DCBLD1: variants seen among roughly 807,000 people sequenced by gnomAD.
DCBLD1 encodes discoidin, CUB and LCCL domain-containing protein 1.
In DCBLD1, 57 loss-of-function variants were observed where a neutral mutation model predicts 71.5. That is an observed-to-expected ratio of 0.80 (90% CI 0.64 to 0.99). The LOEUF is 0.99. Among genes scored for constraint, DCBLD1 ranks in the 50% least tolerant of loss-of-function variants. The pLI is 0.00. For synonymous variants in DCBLD1, 380 were observed against 363.8 expected, an observed-to-expected ratio of 1.04 and a Z score of -0.51; for missense variants, 891 against 923.5, an observed-to-expected ratio of 0.96 and a Z score of 0.46.
intron 1 of DCBLD1, 58 bp from the exon 2 acceptor site, chr6:117,503,709 C>T: frequency 3.2e-6 from 5 of 1,569,098 alleles, no homozygotes; most frequent in Non-Finnish European, 4.4e-6. Context: ...ACTCTCAATC[C>T]TCAGTAAGAA....
intron 4 of DCBLD1, among the ~76,000 whole-genome samples, chr6:117,525,147 T>G (rs904924596): frequency 1.3e-5 from 2 of 152,170 alleles, no homozygotes; most frequent in African/African-American, 4.8e-5. Context: ...GACTTTATGG[T>G]GAATCCTTAT....
At chr6:117,505,154 G>A (rs538906587) in intron 2 of DCBLD1, among the ~76,000 whole-genome samples, 3 of 152,194 alleles carry the variant, frequency 2.0e-5, no homozygotes, top group Admixed American at 6.5e-5. Context: ...GAGTTCCTCC[G>A]ACAAAGTCAA....
chr6:117,542,452 A>G (rs919267472), intron 11 of DCBLD1, among the ~76,000 whole-genome samples: 3 of 152,206 alleles, frequency 2.0e-5, no homozygotes, highest in Non-Finnish European at 2.9e-5. Flanking sequence ...GAAGAGAAAG[A>G]TGAAGAGCAA....
intron 14 of DCBLD1, among the ~76,000 whole-genome samples, chr6:117,558,046 G>A (rs959964901): frequency 1.3e-5 from 2 of 152,202 alleles, no homozygotes; most frequent in Non-Finnish European, 2.9e-5. Flanking sequence ...AGAAGCGTGG[G>A]CTTCTTCTTA....
At chr6:117,564,684 G>A (rs1779658234) in intron 14 of DCBLD1, among the ~76,000 whole-genome samples, 1 of 152,148 alleles carries the variant, frequency 6.6e-6, no homozygotes, top group African/African-American at 2.4e-5. Context: ...ATTTGCATAT[G>A]TGACAGAGAA....
chr6:117,496,026 A>C (rs756763831), intron 1 of DCBLD1, among the ~76,000 whole-genome samples: 8 of 152,202 alleles, frequency 5.3e-5, no homozygotes, highest in Non-Finnish European at 1.2e-4. Flanking sequence ...AGGAATGTTG[A>C]AAGTTTCCAC....
At chr6:117,543,661 T>C (rs1779173009) in intron 12 of DCBLD1, among the ~76,000 whole-genome samples, 1 of 152,228 alleles carries the variant, frequency 6.6e-6, no homozygotes, top group Admixed American at 6.5e-5. Context: ...CACCCCACCA[T>C]GTATTACTTT....
chr6:117,564,379 T>C (rs1779651305), intron 14 of DCBLD1, among the ~76,000 whole-genome samples: 2 of 152,206 alleles, frequency 1.3e-5, no homozygotes, highest in African/African-American at 4.8e-5. Flanking sequence ...TCATTGTTGC[T>C]TTCATATTAC....
intron 2 of DCBLD1, among the ~76,000 whole-genome samples, chr6:117,514,565 A>G (rs1367172438): frequency 2.7e-5 from 4 of 150,478 alleles, no homozygotes; most frequent in African/African-American, 9.8e-5. Flanking sequence ...GCACTCCAAC[A>G]TGGGTGACAG....
chr6:117,551,658 C>T (rs571163160), downstream of DCBLD1, among the ~76,000 whole-genome samples: 221 of 152,308 alleles, frequency 1.5e-3, no homozygotes, highest in African/African-American at 4.8e-3. Flanking sequence ...GGATTACAGG[C>T]GTGAGCCACC....
At chr6:117,500,529 C>T (rs1260968866) in intron 1 of DCBLD1, among the ~76,000 whole-genome samples, 1 of 152,136 alleles carries the variant, frequency 6.6e-6, no homozygotes, top group Admixed American at 6.6e-5. Context: ...TTAGGCCTTA[C>T]AGTGGAAGTG....
chr6:117,500,214 A>G (rs1286889882), intron 1 of DCBLD1, among the ~76,000 whole-genome samples: 1 of 152,268 alleles, frequency 6.6e-6, no homozygotes, highest in Non-Finnish European at 1.5e-5. Flanking sequence ...GTTAATACCC[A>G]TGGAATAAAC....
chr6:117,534,608 A>G (rs1322157784), intron 6 of DCBLD1, among the ~76,000 whole-genome samples: 1 of 152,188 alleles, frequency 6.6e-6, no homozygotes, highest in African/African-American at 2.4e-5. Flanking sequence ...CTTTTGTAGG[A>G]AAACAGGATA....
chr6:117,558,087 C>A (rs964867685), intron 14 of DCBLD1, among the ~76,000 whole-genome samples: 1 of 152,212 alleles, frequency 6.6e-6, no homozygotes, highest in African/African-American at 2.4e-5. Flanking sequence ...ATTGCAAAGT[C>A]TCTCAGGTGC....
chr6:117,526,620 C>T (rs1040654897), intron 5 of DCBLD1, among the ~76,000 whole-genome samples: 2 of 152,100 alleles, frequency 1.3e-5, no homozygotes, highest in African/African-American at 4.8e-5. Context: ...GTACATGATC[C>T]CTAAGTGCTG....
intron 1 of DCBLD1, among the ~76,000 whole-genome samples, chr6:117,488,181 G>A (rs548437468): frequency 6.6e-6 from 1 of 152,296 alleles, no homozygotes; most frequent in South Asian, 2.1e-4. Flanking sequence ...ACCCAGTACG[G>A]TGCCTGGCAC....
At chr6:117,490,095 A>G (rs1582960995) in intron 1 of DCBLD1, among the ~76,000 whole-genome samples, 1 of 72,040 alleles carries the variant, frequency 1.4e-5, no homozygotes, top group Non-Finnish European at 3.1e-5. Flanking sequence ...ATGTAAATGC[A>G]CACACACACA....
chr6:117,548,429 C>A lies in DCBLD1; in HGVS notation c.2138C>A (p.Ala713Asp), dbSNP rs1359964788. Residue 713 changes from alanine (A) to aspartate (D), a missense_variant, in exon 15 of 15, where the codon GCC becomes GAC. Ala to Asp is a moderately radical substitution (Grantham distance 126). Transcript: ENST00000338728. ...CCCCTCAACCAGACGGCCATGACTG[C>A]CCTTTTGTGAACACAATGTGAAAGA... ...LTPLNQTAMT[A>D]LL is the part of the protein sequence containing the mutation. 1 of 1,550,534 alleles carries A rather than the reference C, an allele frequency of 6.4e-7. No individual in the cohort carries two copies. Among genetic ancestry groups the A allele is most frequent in the Non-Finnish European group, 8.7e-7 (1 of 1,147,020 alleles).
rs182856593 is a variant in DCBLD1, at chr6:117,489,755, G to A, written c.112+6862G>A. On this transcript the variant is annotated intron_variant, in intron 1 of 14. Coordinates refer to ENST00000338728, the MANE Select transcript of DCBLD1 (RefSeq NM_001366458.2). ...AAAAAATTAGCCGGGCGTGGTGGCG[G>A]GTGCCTGTGGTCCCAGCTACTTGGG... Among the ~76,000 whole-genome samples, 356 of 152,246 alleles carry A rather than the reference G, an allele frequency of 2.3e-3. 1 individual carries two copies. The highest frequency in any genetic ancestry group is 7.1e-3 in the African/African-American group (294 of 41,546).
Sources: allele counts gnomAD v4.1 joint callset (sites outside exome capture counted in the v4.1 genomes callset), GRCh38; gene constraint gnomAD v4.1.1; transcripts MANE v1.5; gene names NCBI Gene and HGNC (gene_info 2026-07-23, HGNC 2026-07-21).